TAPT1: variants seen among roughly 807,000 people sequenced by gnomAD.
TAPT1 encodes the protein transmembrane anterior posterior transformation 1.
In TAPT1, 28 loss-of-function variants were observed where a neutral mutation model predicts 65.6. The ratio of observed to expected loss-of-function variants is 0.43; its 90% confidence interval spans 0.32 to 0.59. The LOEUF (loss-of-function observed/expected upper bound fraction) is 0.59, where lower values mean the gene tolerates loss of function less well. TAPT1 is among the 20% of genes least tolerant of loss of function. TAPT1 has a pLI of 0.09. For synonymous variants in TAPT1, 278 were observed against 245.2 expected (o/e 1.13, Z -1.25); for missense variants, 563 against 679.9 (o/e 0.83, Z 1.91).
chr4:16,206,132 G>C (rs1328009418), intron 2 of TAPT1, among the ~76,000 whole-genome samples: 1 of 152,100 alleles, frequency 6.6e-6, no homozygotes, highest in Non-Finnish European at 1.5e-5. Flanking sequence ...TTAATCATCC[G>C]AATTAAAAAA....
intron 12 of TAPT1, among the ~76,000 whole-genome samples, chr4:16,168,992 A>C (rs1037340698): frequency 6.6e-6 from 1 of 152,228 alleles, no homozygotes; most frequent in Non-Finnish European, 1.5e-5. Context: ...CTGAATTCTG[A>C]TTTTATTTTT....
intron 7 of TAPT1, among the ~76,000 whole-genome samples, chr4:16,185,370 ATTTTTT>A (rs879607371): frequency 7.0e-6 from 1 of 143,702 alleles, no homozygotes. Flanking sequence ...AATCATCGTA[ATTTTTT>A]TTTTTTTTTG....
chr4:16,221,780 T>A (rs1195732370), intron 1 of TAPT1, among the ~76,000 whole-genome samples: 1 of 152,248 alleles, frequency 6.6e-6, no homozygotes, highest in Non-Finnish European at 1.5e-5. Flanking sequence ...CATAAAACTT[T>A]AGTAAACTTT....
intron 11 of TAPT1, among the ~76,000 whole-genome samples, chr4:16,173,069 C>A (rs900609644): frequency 6.6e-6 from 1 of 152,180 alleles, no homozygotes; most frequent in African/African-American, 2.4e-5. Context: ...GGTGATCCAC[C>A]TGCCTTAGCT....
chr4:16,218,497 T>C (rs552429175), intron 1 of TAPT1, among the ~76,000 whole-genome samples: 15 of 152,332 alleles, frequency 9.8e-5, no homozygotes, highest in African/African-American at 3.1e-4. Flanking sequence ...GAGAGTTGTG[T>C]TATGATCCAC....
chr4:16,194,148 C>G (rs1424463824), intron 3 of TAPT1, among the ~76,000 whole-genome samples: 1 of 152,078 alleles, frequency 6.6e-6, no homozygotes, highest in Admixed American at 6.5e-5. Flanking sequence ...TTAGATCTAC[C>G]AAACATTGGA....
At chr4:16,196,231 C>T (rs1009556967) in intron 3 of TAPT1, among the ~76,000 whole-genome samples, 10 of 152,040 alleles carry the variant, frequency 6.6e-5, no homozygotes, top group South Asian at 2.1e-4. Context: ...AATACTTAAA[C>T]GGAATGATTC....
At chr4:16,184,275 C>T (rs1237173855) in intron 7 of TAPT1, among the ~76,000 whole-genome samples, 2 of 152,176 alleles carry the variant, frequency 1.3e-5, no homozygotes, top group African/African-American at 4.8e-5. Context: ...ACATCATGTA[C>T]ACTTTTGTGT....
In TAPT1 at chr4:16,203,669, G is replaced by A. The variant is rs372100728; in HGVS notation, c.331-1089C>T. Among the ~76,000 whole-genome samples, 97 of 152,128 alleles carry A rather than the reference G, an allele frequency of 6.4e-4. 1 individual carries two copies. The highest frequency in any genetic ancestry group is 2.2e-3 in the African/African-American group (91 of 41,418). On this transcript the variant is annotated intron_variant, in intron 2 of 13. Transcript: ENST00000405303. ...AAGGCAGCCATCTGCAAGCCAAGAA[G>A]AGGCCTCAGAAGAAACTACCCCACT...
intron 12 of TAPT1, among the ~76,000 whole-genome samples, chr4:16,167,614 G>C (rs1027406303): frequency 6.6e-6 from 1 of 152,182 alleles, no homozygotes; most frequent in Admixed American, 6.5e-5. Flanking sequence ...GTGGAGTCCT[G>C]AGTCCACTGC....
rs4510462 is a variant in TAPT1 at position 16,166,949 on chromosome 4, G to C, written c.1314-156C>G. 5.3e-6 allele frequency: 3 copies of C among 562,856 alleles called. No individual in the cohort carries two copies. In the African/African-American group the frequency reaches 5.7e-5, roughly 11 times the overall value. The allele number at this position is 562,856 out of a possible 1,614,324, so 34.9% of individuals were successfully genotyped here. On this transcript the variant is annotated intron_variant, in intron 12 of 13. Coordinates refer to ENST00000405303, the MANE Select transcript of TAPT1 (RefSeq NM_153365.3). ...TTACACAAATCTTGAGTTTTCTGAGGCCTCCTTGTCACAAAGAAAAACTTC... is the reference window on the plus strand; with the variant it reads ...TTACACAAATCTTGAGTTTTCTGAGCCCTCCTTGTCACAAAGAAAAACTTC...
chr4:16,205,761 A>T (rs767884974), intron 2 of TAPT1, among the ~76,000 whole-genome samples: 14 of 152,140 alleles, frequency 9.2e-5, no homozygotes, highest in Non-Finnish European at 1.8e-4. Flanking sequence ...CAATGTGAGT[A>T]GCCTCCTAGT....
chr4:16,174,765 A>G (rs1388487102), intron 9 of TAPT1, 36 bp from the exon 10 acceptor site: 2 of 1,414,264 alleles, frequency 1.4e-6, no homozygotes, highest in Admixed American at 2.4e-5. Flanking sequence ...CAAGTAATAC[A>G]GTAAAAATAT....
chr4:16,163,500 G>C lies in TAPT1; in HGVS notation c.1512C>G (p.Thr504=), dbSNP rs199669093. The part of the protein sequence containing the change: ...STEENLSASI[T]KQPIHQKENI... ...TTTCCTTTTGATGAATAGGTTGTTT[G>C]GTGATGGAGGCAGACAGGTTTTCTT... Residue 504 remains threonine (T), a synonymous_variant, in exon 14 of 14, where the codon ACC becomes ACG. Transcript: ENST00000405303. 18 of 1,613,886 alleles carry C rather than the reference G, an allele frequency of 1.1e-5. No individual in the cohort carries two copies. The highest frequency in any genetic ancestry group is 1.1e-4 in the African/African-American group (8 of 75,036).
At position 16,212,415 on chromosome 4, in the gene TAPT1, A is replaced by G. The variant is rs753885745; in HGVS notation, c.330+1353T>C. ...GCTTATTGCTGGAAGAAAGCTGCAAAGCAAGCTAACAGTCTTTTAAGACAC... is the reference window on the plus strand; with the variant it reads ...GCTTATTGCTGGAAGAAAGCTGCAAGGCAAGCTAACAGTCTTTTAAGACAC... On this transcript the variant is annotated intron_variant, in intron 2 of 13. Transcript: ENST00000405303. 2.6e-5 allele frequency among the ~76,000 whole-genome samples: 4 copies of G among 152,260 alleles called. No homozygotes were observed. The South Asian group carries it at 8.3e-4, about 32-fold the overall frequency.
At chr4:16,174,152 T>C in intron 11 of TAPT1, 52 bp downstream of exon 11, 1 of 1,305,822 alleles carries the variant, frequency 7.7e-7, no homozygotes, top group South Asian at 1.3e-5. Flanking sequence ...TTATTAATAT[T>C]CTATAATGAT....
rs1404112159 is a variant in TAPT1 at position 16,213,974 on chromosome 4, G to A, written c.200-76C>T. 17 of 1,277,774 alleles carry A rather than the reference G, an allele frequency of 1.3e-5. No individual in the cohort carries two copies. In the South Asian group the frequency reaches 1.4e-4, roughly 11 times the overall value. The allele number at this position is 1,277,774 out of a possible 1,614,324, so 79.2% of individuals were successfully genotyped here. A position where few individuals can be genotyped will look rare whatever the true frequency, so the allele number is the denominator to read the frequency against. ...ACTTCCACGCTAGCTGGGGCCACAG[G>A]TAATATACATATAAAACAAAGAGAC... is the stretch of plus-strand genomic sequence containing the variant. On this transcript the variant is annotated intron_variant, in intron 1 of 13. Coordinates refer to ENST00000405303, the MANE Select transcript of TAPT1 (RefSeq NM_153365.3).
At chr4:16,200,532 C>T (rs1393288038) in intron 3 of TAPT1, among the ~76,000 whole-genome samples, 1 of 152,106 alleles carries the variant, frequency 6.6e-6, no homozygotes, top group East Asian at 1.9e-4. Flanking sequence ...TACTATGTTG[C>T]CCAGGCTGGT....
At chr4:16,170,451 T>A (rs556713083) in intron 12 of TAPT1, among the ~76,000 whole-genome samples, 1 of 152,322 alleles carries the variant, frequency 6.6e-6, no homozygotes, top group Admixed American at 6.5e-5. Context: ...AAATAAAATC[T>A]AAAGTACTAT....
Sources: gnomAD v4.1 joint callset for allele counts (sites outside exome capture counted in the v4.1 genomes callset) on GRCh38, gnomAD v4.1.1 for gene constraint, MANE v1.5 for transcripts, NCBI Gene and HGNC (gene_info 2026-07-23, HGNC 2026-07-21) for gene names.